The following CAST variants were observed in gnomAD, a reference collection of about 807,000 sequenced individuals.
CAST encodes the protein MIR583 host.
A neutral mutation model predicts 119.6 loss-of-function variants in CAST; 76 were observed. That is an observed-to-expected ratio of 0.64 (90% CI 0.53 to 0.77). The LOEUF is 0.77. Among genes scored for constraint, CAST ranks in the 30% least tolerant of loss-of-function variants. The pLI is 0.00. For synonymous variants in CAST, 319 were observed against 331.6 expected (o/e 0.96, Z 0.41); for missense variants, 953 against 946.5 (o/e 1.01, Z -0.09).
chr5:96,313,229 T>G, the CAST span, among the ~76,000 whole-genome samples: 1 of 152,168 alleles, frequency 6.6e-6, no homozygotes, highest in African/African-American at 2.4e-5. Context: ...AAATTCACTG[T>G]GTTTATGTGT....
intron 1 of CAST, among the ~76,000 whole-genome samples, chr5:96,583,372 T>C (rs1241568316): frequency 6.6e-6 from 1 of 152,198 alleles, no homozygotes; most frequent in Non-Finnish European, 1.5e-5. Flanking sequence ...GTTCTTTCTC[T>C]ATTATAAACA....
chr5:96,042,342 A>T, the CAST span, among the ~76,000 whole-genome samples: 1 of 152,174 alleles, frequency 6.6e-6, no homozygotes, highest in Non-Finnish European at 1.5e-5. Flanking sequence ...TTGCAATGGA[A>T]AAAGTTCCCA....
At chr5:96,080,490 T>C in the CAST span, among the ~76,000 whole-genome samples, 1 of 152,200 alleles carries the variant, frequency 6.6e-6, no homozygotes, top group East Asian at 1.9e-4. Flanking sequence ...TAGGTATAAG[T>C]GAAAGTCTGA....
intron 20 of CAST, among the ~76,000 whole-genome samples, chr5:96,753,186 G>A (rs1447062901): frequency 6.6e-6 from 1 of 151,910 alleles, no homozygotes; most frequent in Non-Finnish European, 1.5e-5. Flanking sequence ...TGTAAAGATG[G>A]GATCTCACTG....
chr5:96,425,066 A>AAGAAAG, the CAST span, among the ~76,000 whole-genome samples: 113 of 140,436 alleles, frequency 8.0e-4, no homozygotes, highest in African/African-American at 2.8e-3. Context: ...GAAAGAAAGA[A>AAGAAAG]AGAAAGAAAA....
the CAST span, among the ~76,000 whole-genome samples, chr5:96,461,484 G>C: frequency 6.6e-6 from 1 of 152,058 alleles, no homozygotes; most frequent in African/African-American, 2.4e-5. Flanking sequence ...AGGAAGGTAG[G>C]AAGGTTCTAA....
intron 1 of CAST, among the ~76,000 whole-genome samples, chr5:96,601,968 C>G (rs1232224090): frequency 2.6e-5 from 4 of 152,206 alleles, no homozygotes; most frequent in Non-Finnish European, 5.9e-5. Flanking sequence ...TCTTCCGGCT[C>G]CCTCTGGCCC....
the CAST span, among the ~76,000 whole-genome samples, chr5:96,452,357 C>G: frequency 6.6e-6 from 1 of 152,102 alleles, no homozygotes; most frequent in South Asian, 2.1e-4. Flanking sequence ...ATGGATGAAG[C>G]TGGAAACCAT....
the CAST span, among the ~76,000 whole-genome samples, chr5:96,502,134 A>G: frequency 1.3e-5 from 2 of 152,196 alleles, no homozygotes; most frequent in Non-Finnish European, 2.9e-5. Flanking sequence ...TGTAGATTTA[A>G]CCTTTTTTCT....
chr5:96,288,481 G>A, the CAST span, among the ~76,000 whole-genome samples: 1 of 152,070 alleles, frequency 6.6e-6, no homozygotes, highest in African/African-American at 2.4e-5. Flanking sequence ...GAAGATTTCT[G>A]AGCAGTGACA....
At chr5:96,423,430 G>T in the CAST span, 1 of 1,614,060 alleles carries the variant, frequency 6.2e-7, no homozygotes, top group East Asian at 2.2e-5. Context: ...GGTCCAGCTT[G>T]GGCAGGGCTG....
At chr5:96,299,456 C>A in the CAST span, among the ~76,000 whole-genome samples, 5 of 152,120 alleles carry the variant, frequency 3.3e-5, no homozygotes, top group African/African-American at 1.2e-4. Context: ...GCTGGGGGAG[C>A]AAATCACAGT....
At chr5:96,069,740 A>G in the CAST span, among the ~76,000 whole-genome samples, 1 of 146,678 alleles carries the variant, frequency 6.8e-6, no homozygotes, top group African/African-American at 2.5e-5. Context: ...GCCTAAAGCA[A>G]TCCTCCTGCC....
At chr5:96,558,813 T>C (rs745837682) in intron 1 of CAST, among the ~76,000 whole-genome samples, 40 of 152,284 alleles carry the variant, frequency 2.6e-4, no homozygotes, top group Non-Finnish European at 5.1e-4. Context: ...TCTGAAACTA[T>C]TCCAATCAAT....
the CAST span, among the ~76,000 whole-genome samples, chr5:96,350,461 T>C: frequency 6.6e-6 from 1 of 152,168 alleles, no homozygotes; most frequent in Non-Finnish European, 1.5e-5. Context: ...CCTGTGAAGA[T>C]AAGCTGTCAA....
the CAST span, among the ~76,000 whole-genome samples, chr5:96,106,924 A>G: frequency 1.4e-5 from 2 of 139,778 alleles, no homozygotes; most frequent in South Asian, 2.6e-4. Flanking sequence ...GGGTGCATAT[A>G]TATTTAGGAT....
chr5:96,084,111 G>C, the CAST span, among the ~76,000 whole-genome samples: 1 of 152,176 alleles, frequency 6.6e-6, no homozygotes, highest in Non-Finnish European at 1.5e-5. Context: ...GATTGCTGGT[G>C]AACCAGAGGT....
the CAST span, chr5:96,393,472 C>A: frequency 7.0e-7 from 1 of 1,432,534 alleles, no homozygotes; most frequent in South Asian, 1.2e-5. Context: ...CGCTGCCTGC[C>A]GCTTGAGAGG....
chr5:96,483,389 A>G, the CAST span, among the ~76,000 whole-genome samples: 1 of 152,198 alleles, frequency 6.6e-6, no homozygotes, highest in Non-Finnish European at 1.5e-5. Context: ...CATGCCTAAC[A>G]CTGCACTTTG....
Sources: allele counts gnomAD v4.1 joint callset (sites outside exome capture counted in the v4.1 genomes callset), GRCh38; gene constraint gnomAD v4.1.1; transcripts MANE v1.5; gene names NCBI Gene and HGNC (gene_info 2026-07-23, HGNC 2026-07-21).